Variants in PBX1 observed in about 807,000 individuals in gnomAD.
PBX1 encodes the protein PBX homeobox 1, also known as pre-B-cell leukemia transcription factor 1.
PBX1 carries 6 observed loss-of-function variants against 53.4 expected under a neutral mutation model. The ratio of observed to expected loss-of-function variants is 0.11; its 90% confidence interval spans 0.06 to 0.22. The LOEUF (loss-of-function observed/expected upper bound fraction) is 0.22, where lower values mean the gene tolerates loss of function less well. PBX1 is among the 10% of genes least tolerant of loss of function. The pLI, the probability that PBX1 is intolerant of heterozygous loss-of-function variation, is 1.00. For synonymous variants in PBX1, 204 were observed against 212.3 expected, an observed-to-expected ratio of 0.96 and a Z score of 0.34; for missense variants, 251 against 551.4, an observed-to-expected ratio of 0.46 and a Z score of 5.46.
intron 2 of PBX1, among the ~76,000 whole-genome samples, chr1:164,662,469 C>T (rs994409166): frequency 3.9e-5 from 6 of 152,154 alleles, no homozygotes; most frequent in African/African-American, 1.2e-4. Context: ...CCAGTGCATC[C>T]TTTGCATTGC....
At position 164,713,600 on chromosome 1, in the gene PBX1, G is replaced by A. The variant is rs146558390; in HGVS notation, c.266-78894G>A. Among the ~76,000 whole-genome samples, 65 of 151,898 alleles carry A rather than the reference G, an allele frequency of 4.3e-4. 1 individual carries two copies. Among genetic ancestry groups the A allele is most frequent in the Non-Finnish European group, 9.0e-4 (61 of 67,988 alleles). On this transcript the variant is annotated intron_variant, in intron 2 of 8. Transcript: ENST00000420696. Reference sequence around the variant, plus strand: ...TGCTTTCTGTACAGCTGCCTGATTCGTGGGTCACTTTGTCTTCCTAAGACT... The same window carrying A: ...TGCTTTCTGTACAGCTGCCTGATTCATGGGTCACTTTGTCTTCCTAAGACT...
intron 2 of PBX1, chr1:164,679,997 C>T (rs1286619652): frequency 6.6e-6 from 1 of 152,018 alleles, no homozygotes; most frequent in Admixed American, 6.6e-5. Flanking sequence ...TTGGAAATAT[C>T]AGTCACGTGA....
At chr1:164,842,284 T>C (rs1052977686) in intron 8 of PBX1, among the ~76,000 whole-genome samples, 1 of 152,146 alleles carries the variant, frequency 6.6e-6, no homozygotes, top group Admixed American at 6.6e-5. Flanking sequence ...CACGTGGGTT[T>C]TCCCATCTGC....
At chr1:164,730,585 A>AT (rs774702201) in intron 2 of PBX1, among the ~76,000 whole-genome samples, 14 of 152,162 alleles carry the variant, frequency 9.2e-5, no homozygotes, top group Non-Finnish European at 1.5e-4. Context: ...ACCCTCAAAG[A>AT]AAGATTTTAC....
Position 164,850,536 on chromosome 1 carries a change from G to A in PBX1, c.*3860G>A, listed in dbSNP as rs1571528710. 1.0e-5 allele frequency: 2 copies of A among 194,170 alleles called. No homozygotes were observed. The highest frequency in any genetic ancestry group is 1.6e-4 in the East Asian group (2 of 12,244). The allele number at this position is 194,170 out of a possible 1,614,324, so 12.0% of individuals were successfully genotyped here. A position where few individuals can be genotyped will look rare whatever the true frequency, so the allele number is the denominator to read the frequency against. ...TTGGGGGGCTTTTTTTAATTGTCAG[G>A]ATTATGATCTTGCTGTTTTTCTTCA... On this transcript the variant is annotated 3_prime_UTR_variant, in exon 9 of 9. Transcript: ENST00000420696.
At chr1:164,761,102 T>C (rs1666789513) in intron 2 of PBX1, among the ~76,000 whole-genome samples, 1 of 152,236 alleles carries the variant, frequency 6.6e-6, no homozygotes. Context: ...TCAAGAATCT[T>C]GAGTAAAACC....
chr1:164,741,934 A>G (rs987136899), intron 2 of PBX1, among the ~76,000 whole-genome samples: 1 of 152,014 alleles, frequency 6.6e-6, no homozygotes, highest in African/African-American at 2.4e-5. Flanking sequence ...TTTTTTTTTA[A>G]CATTTCTAGG....
chr1:164,883,584 T>C (rs929402088), intron 2 of PBX1, among the ~76,000 whole-genome samples: 1 of 152,080 alleles, frequency 6.6e-6, no homozygotes, highest in African/African-American at 2.4e-5. Context: ...TATTGATAGA[T>C]TTTTTTTAAG....
chr1:164,647,014 G>A (rs1227875150), intron 2 of PBX1, among the ~76,000 whole-genome samples: 3 of 152,174 alleles, frequency 2.0e-5, no homozygotes, highest in African/African-American at 7.2e-5. Flanking sequence ...AGTAAGGGGG[G>A]CAGCCCTACA....
intron 2 of PBX1, among the ~76,000 whole-genome samples, chr1:164,873,390 G>A (rs916048433): frequency 6.6e-6 from 1 of 152,198 alleles, no homozygotes; most frequent in Non-Finnish European, 1.5e-5. Context: ...CACAGTTATA[G>A]TAATTCCCTG....
At chr1:164,836,405 AC>A (rs1169684128) in intron 8 of PBX1, among the ~76,000 whole-genome samples, 1 of 151,920 alleles carries the variant, frequency 6.6e-6, no homozygotes, top group Non-Finnish European at 1.5e-5. Context: ...AAAAAATCAA[AC>A]CCCCTTACAC....
chr1:164,641,537 C>A (rs1439786454), intron 2 of PBX1: 1 of 152,368 alleles, frequency 6.6e-6, no homozygotes, highest in African/African-American at 2.4e-5. Flanking sequence ...GCCTTGGTTG[C>A]CACCAAAGGC....
rs1416710139 is a variant in PBX1 at position 164,709,597 on chromosome 1, C to CA, written c.266-82896dup. Among the ~76,000 whole-genome samples the CA allele has an allele frequency of 3.3e-5, 5 of 151,966 alleles. No individual in the cohort carries two copies. In the East Asian group the frequency reaches 9.7e-4, roughly 30 times the overall value. On this transcript the variant is annotated intron_variant, in intron 2 of 8. Transcript: ENST00000420696. ...ACCAAGACATTTCACGCAGACCACCCACTGCAATTTCTTGCATAGGTCTGC... is the reference window on the plus strand; with the variant it reads ...ACCAAGACATTTCACGCAGACCACCCAACTGCAATTTCTTGCATAGGTCTGC...
At chr1:164,861,299 G>A (rs894772477) in intron 2 of PBX1, among the ~76,000 whole-genome samples, 5 of 152,086 alleles carry the variant, frequency 3.3e-5, no homozygotes, top group African/African-American at 9.7e-5. Flanking sequence ...TGCCCTTGTC[G>A]TTTTGTTTAA....
At chr1:164,595,798 C>T (rs2101785321) in intron 2 of PBX1, among the ~76,000 whole-genome samples, 1 of 152,262 alleles carries the variant, frequency 6.6e-6, no homozygotes, top group South Asian at 2.1e-4. Flanking sequence ...TAGACCCTGT[C>T]TTTGCAAATG....
chr1:164,784,286 C>A (rs1668068683), intron 2 of PBX1, among the ~76,000 whole-genome samples: 1 of 152,238 alleles, frequency 6.6e-6, no homozygotes, highest in Non-Finnish European at 1.5e-5. Context: ...GCAGTCCAGA[C>A]TTGAGCTATT....
At chr1:164,644,400 A>G (rs1175323621) in intron 2 of PBX1, among the ~76,000 whole-genome samples, 2 of 152,202 alleles carry the variant, frequency 1.3e-5, no homozygotes, top group African/African-American at 4.8e-5. Context: ...GGAGCAGTCT[A>G]TATTAGGAGG....
intron 2 of PBX1, chr1:164,700,712 G>A (rs1224699249): frequency 3.0e-6 from 3 of 985,290 alleles, no homozygotes; most frequent in Non-Finnish European, 2.4e-6. Flanking sequence ...CCTGGATGAG[G>A]TAGGTGAATT....
intron 2 of PBX1, among the ~76,000 whole-genome samples, chr1:164,661,424 G>GTTTTT (rs60440122): frequency 7.8e-6 from 1 of 127,990 alleles, no homozygotes; most frequent in Admixed American, 8.0e-5. Flanking sequence ...CTGTAAGCCA[G>GTTTTT]TTTTTTTTTT....
Sources: allele counts gnomAD v4.1 joint callset (sites outside exome capture counted in the v4.1 genomes callset), GRCh38; gene constraint gnomAD v4.1.1; transcripts MANE v1.5; gene names NCBI Gene and HGNC (gene_info 2026-07-23, HGNC 2026-07-21).